CCDC18: variants seen among roughly 807,000 people sequenced by gnomAD.
The protein encoded by CCDC18 is coiled-coil domain containing 18.
In CCDC18, 157 loss-of-function variants were observed where a neutral mutation model predicts 196.0. That is an observed-to-expected ratio of 0.80 (90% CI 0.70 to 0.91). The LOEUF is 0.91. Ranked by LOEUF, CCDC18 falls within the 40% of genes least tolerant of loss-of-function variation. The probability of loss-of-function intolerance (pLI) is 0.00; values close to 1 mark genes in which losing one functional copy is unlikely to be tolerated. For synonymous variants in CCDC18, 482 were observed against 529.2 expected (o/e 0.91, Z 1.22); for missense variants, 1,465 against 1,611.6 (o/e 0.91, Z 1.56).
intron 25 of CCDC18, among the ~76,000 whole-genome samples, chr1:93,258,394 C>G (rs2101129308): frequency 6.6e-6 from 1 of 152,074 alleles, no homozygotes; most frequent in African/African-American, 2.4e-5. Context: ...ACAACTGACT[C>G]TTGATAAACA....
chr1:93,193,602 C>T lies in CCDC18; in HGVS notation c.570-14C>T. On this transcript the variant is annotated splice_polypyrimidine_tract_variant and intron_variant, in intron 5 of 28. Transcript: ENST00000690025. The stretch of plus-strand genomic sequence containing the variant: ...TCTTTAGTAGTCTTAAACAAAGTAT[C>T]CTTTATTTTATAGAGAGGCAGAAAA... 1 of 1,544,580 alleles carries T rather than the reference C, an allele frequency of 6.5e-7. No individual in the cohort carries two copies. Among genetic ancestry groups the T allele is most frequent in the Non-Finnish European group, 8.7e-7 (1 of 1,143,102 alleles).
chr1:93,224,166 C>T (rs992122208), intron 16 of CCDC18, among the ~76,000 whole-genome samples: 1 of 152,102 alleles, frequency 6.6e-6, no homozygotes, highest in African/African-American at 2.4e-5. Context: ...CTCTGTTAAA[C>T]TCTATTAAAC....
chr1:93,242,173 A>C (rs1660886285), intron 21 of CCDC18, among the ~76,000 whole-genome samples: 1 of 152,338 alleles, frequency 6.6e-6, no homozygotes, highest in South Asian at 2.1e-4. Context: ...TAAACAAAAT[A>C]TAGTGTCTTA....
At chr1:93,244,031 G>GAATACAACA (rs1661176144) in intron 21 of CCDC18, among the ~76,000 whole-genome samples, 1 of 152,096 alleles carries the variant, frequency 6.6e-6, no homozygotes, top group Admixed American at 6.6e-5. Flanking sequence ...CTGTATTAGT[G>GAATACAACA]AGTTTTCACG....
chr1:93,273,469 C>T (rs1665466234), intron 28 of CCDC18: 1 of 152,210 alleles, frequency 6.6e-6, no homozygotes, highest in Non-Finnish European at 1.5e-5. Context: ...GAAATGGTTA[C>T]TTACTTTGGA....
chr1:93,219,632 G>T (rs952623970), intron 14 of CCDC18, among the ~76,000 whole-genome samples: 3 of 152,186 alleles, frequency 2.0e-5, no homozygotes, highest in Admixed American at 2.0e-4. Flanking sequence ...TCATCACGCT[G>T]CTCAGAACTG....
At position 93,184,007 on chromosome 1, in the gene CCDC18, C is replaced by G. The variant is rs759524444; in HGVS notation, c.164C>G (p.Ala55Gly). ...AGTCCAAGTGAAAATTCTGATTATGCCCCTAATCCTTCAAGGTCTGAAAAG... is the reference window on the plus strand; with the variant it reads ...AGTCCAAGTGAAAATTCTGATTATGGCCCTAATCCTTCAAGGTCTGAAAAG... ...SVSPSENSDY[A>G]PNPSRSEKLI... Residue 55 changes from alanine (A) to glycine (G), a missense_variant, in exon 3 of 29, where the codon GCC becomes GGC. By Grantham distance (60) the Ala-to-Gly change is moderately conservative. Transcript: ENST00000690025. The G allele has an allele frequency of 5.1e-6, 8 of 1,558,700 alleles. No homozygotes were observed. The South Asian group carries it at 9.9e-5, about 19-fold the overall frequency.
chr1:93,190,225 C>T (rs1231760669), intron 4 of CCDC18, among the ~76,000 whole-genome samples: 1 of 152,164 alleles, frequency 6.6e-6, no homozygotes, highest in Non-Finnish European at 1.5e-5. Context: ...CACGGCGGCT[C>T]ACGCCTGTAA....
intron 16 of CCDC18, among the ~76,000 whole-genome samples, chr1:93,222,288 G>A (rs1021456071): frequency 6.6e-6 from 1 of 151,846 alleles, no homozygotes; most frequent in Non-Finnish European, 1.5e-5. Flanking sequence ...AGCGAATTAT[G>A]ATCTTAATTA....
At chr1:93,182,860 C>T (rs527513991) in intron 1 of CCDC18, among the ~76,000 whole-genome samples, 1 of 152,186 alleles carries the variant, frequency 6.6e-6, no homozygotes, top group Admixed American at 6.5e-5. Flanking sequence ...AATCAGATGT[C>T]CAGTACTTGT....
Position 93,201,958 on chromosome 1 carries a change from TA to T in CCDC18, c.774del (p.Val259TrpfsTer15), listed in dbSNP as rs746565576. On this transcript the variant is annotated frameshift_variant, in exon 7 of 29. Coordinates refer to ENST00000690025, the MANE Select transcript of CCDC18 (RefSeq NM_001378204.1). LOFTEE classifies it high-confidence loss of function. Reference protein sequence around the residue: ...EELSKAFQQYKKKVAEKLEKV... With the variant: ...EELSKAFQQYXKKVAEKLEKV... Reference sequence around the variant, plus strand: ...AGCTGAGTAAAGCTTTCCAACAATATAAAAAAAAAGTGGCTGAAAAACTGGA... The same window carrying T: ...AGCTGAGTAAAGCTTTCCAACAATATAAAAAAAAGTGGCTGAAAAACTGGA... 1.5e-4 allele frequency: 241 copies of T among 1,571,446 alleles called. No individual in the cohort carries two copies. Among genetic ancestry groups the T allele is most frequent in the Admixed American group, 5.2e-4 (30 of 57,694 alleles).
intron 6 of CCDC18, among the ~76,000 whole-genome samples, chr1:93,197,745 C>CTTTTTTTTT (rs71094240): frequency 4.9e-4 from 37 of 76,000 alleles, no homozygotes; most frequent in African/African-American, 7.7e-4. Context: ...CTTTTCTTTT[C>CTTTTTTTTT]TTTTTTTTTT....
rs1396347749 is a variant in CCDC18, at chr1:93,193,660, A to G, written c.614A>G (p.Glu205Gly). The change falls in exon 6 of 29, where the codon GAA becomes GGA. Residue 205 changes from glutamate (E) to glycine (G), a missense_variant. By Grantham distance (98) the Glu-to-Gly change is moderately conservative (BLOSUM62 -2). Transcript: ENST00000690025. ...GAACAGAGCCAGAAAATGGTAATTG[A>G]AAAGGAACAGAGTTTGCAGGAGTCC... Reference protein sequence around the residue: ...KLEQSQKMVIEKEQSLQESKE... With the variant: ...KLEQSQKMVIGKEQSLQESKE... The G allele has an allele frequency of 1.3e-6, 2 of 1,594,574 alleles. No homozygotes were observed. The highest frequency in any genetic ancestry group is 1.4e-5 in the African/African-American group (1 of 73,636).
At chr1:93,268,061 C>T (rs769016476) in intron 27 of CCDC18, among the ~76,000 whole-genome samples, 12 of 152,178 alleles carry the variant, frequency 7.9e-5, no homozygotes, top group Non-Finnish European at 1.6e-4. Flanking sequence ...CAGCATGGTA[C>T]TGGTACCAAA....
chr1:93,184,057 C>T lies in CCDC18; in HGVS notation c.214C>T (p.His72Tyr). Reference sequence around the variant, plus strand: ...GCTAATTTTGGATGTTCAGCCTAGCCACCCTGGACTTTTGAATTATTCACC... The same window carrying T: ...GCTAATTTTGGATGTTCAGCCTAGCTACCCTGGACTTTTGAATTATTCACC... ...EKLILDVQPS[H>Y]PGLLNYSPYE... The change falls in exon 3 of 29, where the codon CAC becomes TAC. Residue 72 changes from histidine (H) to tyrosine (Y), a missense_variant. His to Tyr is a moderately conservative substitution (Grantham distance 83). Coordinates refer to ENST00000690025, the MANE Select transcript of CCDC18 (RefSeq NM_001378204.1). 6.3e-7 allele frequency: 1 copy of T among 1,592,352 alleles called. No individual in the cohort carries two copies. Among genetic ancestry groups the T allele is most frequent in the Non-Finnish European group, 8.6e-7 (1 of 1,166,338 alleles).
intron 23 of CCDC18, among the ~76,000 whole-genome samples, chr1:93,254,130 T>C (rs971102918): frequency 1.3e-5 from 2 of 152,202 alleles, no homozygotes; most frequent in Admixed American, 6.5e-5. Context: ...AATGGTAGAA[T>C]ACAACTTCTA....
intron 26 of CCDC18, among the ~76,000 whole-genome samples, chr1:93,260,650 G>A (rs1444579045): frequency 6.6e-6 from 1 of 151,382 alleles, no homozygotes; most frequent in African/African-American, 2.4e-5. Flanking sequence ...TTAAGTTCTG[G>A]GGTACGTGTG....
In CCDC18 at chr1:93,236,347, G is replaced by T. The variant is rs370465564; in HGVS notation, c.2560G>T (p.Asp854Tyr). The change falls in exon 19 of 29, where the codon GAT becomes TAT. Residue 854 changes from aspartate to tyrosine, a missense_variant. Coordinates refer to ENST00000690025, the MANE Select transcript of CCDC18 (RefSeq NM_001378204.1). ...EKCESAAHEA[D>Y]LKRQKVIELT... ...ATGTGAATCAGCTGCACATGAAGCA[G>T]ATTTGAAAAGGCAAAAAGTGATTGA... 5 of 1,586,298 alleles carry T rather than the reference G, an allele frequency of 3.2e-6. No homozygotes were observed. The African/African-American group carries it at 6.9e-5, about 22-fold the overall frequency.
At position 93,210,804 on chromosome 1, in the gene CCDC18, A is replaced by G. The variant is rs762906512; in HGVS notation, c.1212A>G (p.Leu404=). 28 of 1,590,114 alleles carry G rather than the reference A, an allele frequency of 1.8e-5. No homozygotes were observed. Among genetic ancestry groups the G allele is most frequent in the Non-Finnish European group, 2.3e-5 (27 of 1,159,230 alleles). Residue 404 remains leucine, a splice_region_variant and synonymous_variant, in exon 10 of 29, where the codon TTA becomes TTG. Transcript: ENST00000690025. ...TATGTTTGTTTTTAAACTTGCAGTT[A>G]AAAAGAGAATTATTTGGCTTTAAAT... ...SLEKIISQLP[L]KRELFGFKSY...
Sources: allele counts gnomAD v4.1 joint callset (sites outside exome capture counted in the v4.1 genomes callset), GRCh38; gene constraint gnomAD v4.1.1; transcripts MANE v1.5; gene names NCBI Gene and HGNC (gene_info 2026-07-23, HGNC 2026-07-21).